Variants in SEMA4G observed in about 807,000 individuals in gnomAD.
The protein encoded by SEMA4G is semaphorin-4G.
SEMA4G carries 59 observed loss-of-function variants against 81.2 expected under a neutral mutation model. The observed-to-expected ratio is 0.73, with a 90% confidence interval of 0.59 to 0.90. The LOEUF (loss-of-function observed/expected upper bound fraction) is 0.90, where lower values mean the gene tolerates loss of function less well. Ranked by LOEUF, SEMA4G falls within the 40% of genes least tolerant of loss-of-function variation. The pLI is 0.00. For synonymous variants in SEMA4G, 404 were observed against 433.9 expected (o/e 0.93, Z 0.86); for missense variants, 952 against 1,102.3 (o/e 0.86, Z 1.93).
At chr10:100,970,886 G>A (rs565811779), upstream of SEMA4G, among the ~76,000 whole-genome samples, 19 of 152,272 alleles carry the variant, frequency 1.2e-4, no homozygotes, top group African/African-American at 4.6e-4. Flanking sequence ...TGTTGAATAG[G>A]TGCACAGTCC....
At chr10:100,982,833 G>C (rs1262682391) in intron 13 of SEMA4G, among the ~76,000 whole-genome samples, 2 of 151,908 alleles carry the variant, frequency 1.3e-5, no homozygotes, top group Non-Finnish European at 2.9e-5. Flanking sequence ...AGAAAGAGAA[G>C]GGAGACTCCC....
chr10:100,974,976 A>T, intron 3 of SEMA4G: 1 of 525,544 alleles, frequency 1.9e-6, no homozygotes, highest in African/African-American at 2.0e-5. Context: ...AAAATTCCCA[A>T]GATCCACTGG....
At chr10:100,974,435 C>G (rs1850721772) in intron 3 of SEMA4G, among the ~76,000 whole-genome samples, 1 of 152,064 alleles carries the variant, frequency 6.6e-6, no homozygotes, top group Non-Finnish European at 1.5e-5. Flanking sequence ...ACATTCCAGC[C>G]TGGATGACAG....
exon 14 of SEMA4G, chr10:100,984,464 G>A: frequency 1.3e-6 from 2 of 1,526,052 alleles, no homozygotes; most frequent in Non-Finnish European, 1.8e-6. Flanking sequence ...CCATTCATCT[G>A]CCCAAACCCT....
At chr10:100,981,538 T>C in intron 13 of SEMA4G, 2 of 1,614,040 alleles carry the variant, frequency 1.2e-6, no homozygotes, top group Non-Finnish European at 1.7e-6. Flanking sequence ...ATGACTGAAC[T>C]GATATCTGAA....
At position 100,982,055 on chromosome 10, in the gene SEMA4G, C is replaced by T. The variant is rs1363672767; in HGVS notation, c.1690+826C>T. Among the ~76,000 whole-genome samples, 27 of 99,980 alleles carry T rather than the reference C, an allele frequency of 2.7e-4. 1 individual carries two copies. The highest frequency in any genetic ancestry group is 1.7e-3 in the Admixed American group (15 of 8,586). The allele number at this position is 99,980 out of a possible 152,430, so 65.6% of individuals were successfully genotyped here. ...CCTGGATAACAGAGTGAGACCTCAT[C>T]TCATCTCAAAAAAAAAAAAAAAGAA... On this transcript the variant is annotated intron_variant, in intron 13 of 13. Transcript: ENST00000370250.
In SEMA4G at chr10:100,980,117, G is replaced by A. The variant is rs769312863; in HGVS notation, c.1129-5G>A. The stretch of plus-strand genomic sequence containing the variant: ...GAGGTTCACCACCTTCGTCCCCCAC[G>A]CCAGTGTATCACAGATTCATTGCGC... On this transcript the variant is annotated splice_region_variant and splice_polypyrimidine_tract_variant and intron_variant, in intron 9 of 13. Coordinates refer to ENST00000370250, the Ensembl canonical transcript of SEMA4G. 13 of 1,613,978 alleles carry A rather than the reference G, an allele frequency of 8.1e-6. No homozygotes were observed. In the East Asian group the frequency reaches 1.1e-4, roughly 14 times the overall value.
At chr10:100,984,493 G>C (rs2133910482) in exon 14 of SEMA4G, 1 of 1,533,860 alleles carries the variant, frequency 6.5e-7, no homozygotes, top group South Asian at 1.2e-5. Flanking sequence ...CTCCCAGGCA[G>C]GGCTCTGCAG....
Position 100,973,711 on chromosome 10 carries a change from G to A in SEMA4G, c.336+102G>A. On this transcript the variant is annotated intron_variant, in intron 3 of 13. Coordinates refer to ENST00000370250, the Ensembl canonical transcript of SEMA4G. This position sits in a 1 kb window ranked among gnomAD's most constrained non-coding sequence, Gnocchi z 5.5. ...CAGATGGGTAGGTACAGACCTGCCA[G>A]TCAATCTCAGCAACCACAGTAAACA... The A allele has an allele frequency of 2.0e-6, 2 of 985,476 alleles. No individual in the cohort carries two copies. The highest frequency in any genetic ancestry group is 1.5e-6 in the Non-Finnish European group (1 of 649,298). 61.0% of individuals were successfully genotyped at this position (985,476 alleles called of 1,614,324 possible).
Position 100,980,697 on chromosome 10 carries a change from G to C in SEMA4G, c.1467+4G>C, listed in dbSNP as rs74823068. On this transcript the variant is annotated splice_donor_region_variant and intron_variant, in intron 11 of 13. Coordinates refer to ENST00000370250, the Ensembl canonical transcript of SEMA4G. ...TCTAGTCATCTCTCTATTGCAGGTA[G>C]CCCTTCTCTGTGACCCTTAATATAG... 891 of 1,611,902 alleles carry C rather than the reference G, an allele frequency of 5.5e-4. 8 individuals are homozygous for C. In the African/African-American group the frequency reaches 0.011, roughly 19 times the overall value.
intron 3 of SEMA4G, among the ~76,000 whole-genome samples, chr10:100,975,877 G>C (rs909510820): frequency 3.3e-5 from 5 of 151,944 alleles, no homozygotes; most frequent in Non-Finnish European, 7.4e-5. Context: ...CCAACCTAGC[G>C]GCAGAGCAAG....
chr10:100,984,451 GTTCCA>G, exon 14 of SEMA4G: 1 of 1,514,992 alleles, frequency 6.6e-7, no homozygotes, highest in Non-Finnish European at 8.8e-7. Flanking sequence ...CCATCCTCCT[GTTCCA>G]TTCATCTGCC....
Position 100,973,055 on chromosome 10 carries a change from A to G in SEMA4G, c.124+19A>G, listed in dbSNP as rs550792621. 1.2e-6 allele frequency: 2 copies of G among 1,614,134 alleles called. No individual in the cohort carries two copies. Among genetic ancestry groups the G allele is most frequent in the African/African-American group, 2.7e-5 (2 of 75,030 alleles). The stretch of plus-strand genomic sequence containing the variant: ...TATGAAGGTTAGACCCTCAACCTCA[A>G]AAGGCAGCAGAAGCCAGGGCTGGGG... On this transcript the variant is annotated intron_variant, in intron 1 of 13. Coordinates refer to ENST00000370250, the Ensembl canonical transcript of SEMA4G. This position sits in a 1 kb window ranked among gnomAD's most constrained non-coding sequence, Gnocchi z 5.5.
chr10:100,984,663 C>A, exon 14 of SEMA4G: 1 of 1,536,292 alleles, frequency 6.5e-7, no homozygotes, highest in Non-Finnish European at 8.7e-7. Context: ...CCACCCTCAC[C>A]TTCTCCTGGT....
At chr10:100,977,496 G>A in intron 3 of SEMA4G, 136 bp from the exon 5 acceptor site, 2 of 718,508 alleles carry the variant, frequency 2.8e-6, no homozygotes, top group Non-Finnish European at 5.0e-6. Flanking sequence ...CTGGAGCAGT[G>A]AGAAGGATCA....
In SEMA4G at chr10:100,977,616, C is replaced by T. The variant is rs1289373403; in HGVS notation, c.337-16C>T. ...TCAGGCAGGGGGCTCACAGCCCTCTCCACCTCATCCCACAGACGGAGTGCT... is the reference window on the plus strand; with the variant it reads ...TCAGGCAGGGGGCTCACAGCCCTCTTCACCTCATCCCACAGACGGAGTGCT... On this transcript the variant is annotated splice_polypyrimidine_tract_variant and intron_variant, in intron 3 of 13. Coordinates refer to ENST00000370250, the Ensembl canonical transcript of SEMA4G. The T allele has an allele frequency of 6.2e-7, 1 of 1,609,964 alleles. No individual in the cohort carries two copies. The highest frequency in any genetic ancestry group is 1.7e-4 in the Middle Eastern group (1 of 6,048).
intron 4 of SEMA4G, 114 bp from the exon 6 acceptor site, chr10:100,978,181 A>G: frequency 1.4e-6 from 1 of 697,188 alleles, no homozygotes; most frequent in Non-Finnish European, 2.5e-6. Context: ...TGCATCTGCC[A>G]TACAACCTGC....
chr10:100,970,745 G>A (rs1295319207), upstream of SEMA4G, among the ~76,000 whole-genome samples: 3 of 152,246 alleles, frequency 2.0e-5, no homozygotes, highest in Non-Finnish European at 4.4e-5. Context: ...CATGGATGTA[G>A]TTGTGTGTTC....
exon 10 of SEMA4G, chr10:100,980,226 T>C (rs1850999005): frequency 6.2e-7 from 1 of 1,614,130 alleles, no homozygotes; most frequent in African/African-American, 1.3e-5. Flanking sequence ...CTCGGCCCGT[T>C]GTGCCCACAC....
Sources: gnomAD v4.1 joint callset for allele counts (sites outside exome capture counted in the v4.1 genomes callset) on GRCh38, gnomAD v4.1.1 for gene constraint, Gnocchi (gnomAD v3.1) non-coding constraint, MANE v1.5 for transcripts, NCBI Gene and HGNC (gene_info 2026-07-23, HGNC 2026-07-21) for gene names.